Variants in ANKRD44 observed in about 807,000 individuals in gnomAD.
ANKRD44 encodes ankyrin repeat domain 44.
ANKRD44 carries 35 observed loss-of-function variants against 116.0 expected under a neutral mutation model. The ratio of observed to expected loss-of-function variants is 0.30; its 90% confidence interval spans 0.23 to 0.40. The LOEUF is 0.40. ANKRD44 is among the 10% of genes least tolerant of loss of function. The pLI is 1.00. For synonymous variants in ANKRD44, 435 were observed against 461.8 expected (o/e 0.94, Z 0.74); for missense variants, 1,014 against 1,242.6 (o/e 0.82, Z 2.77).
chr2:197,172,265 G>C lies in ANKRD44; in HGVS notation c.111+14758C>G, dbSNP rs533467646. ...GATCCACCCAACTTGGCCTCCCAAA[G>C]TGTTGGGATTACAGGTGTGAGCCAC... On this transcript the variant is annotated intron_variant, in intron 2 of 27. Transcript: ENST00000282272. Among the ~76,000 whole-genome samples the C allele has an allele frequency of 9.7e-4, 147 of 152,074 alleles. 1 individual carries two copies. Among genetic ancestry groups the C allele is most frequent in the African/African-American group, 3.3e-3 (137 of 41,452 alleles).
chr2:197,273,571 C>T (rs1157391653), intron 1 of ANKRD44, among the ~76,000 whole-genome samples: 1 of 152,156 alleles, frequency 6.6e-6, no homozygotes, highest in African/African-American at 2.4e-5. Context: ...CAATAGGCCA[C>T]TGAGAGCCTA....
intron 16 of ANKRD44, among the ~76,000 whole-genome samples, chr2:197,032,120 T>C (rs2076718802): frequency 6.6e-6 from 1 of 152,142 alleles, no homozygotes; most frequent in African/African-American, 2.4e-5. Context: ...TACTATTACA[T>C]TTTTGAGAGT....
intron 21 of ANKRD44, among the ~76,000 whole-genome samples, chr2:196,979,595 C>A (rs192970483): frequency 9.8e-6 from 1 of 102,048 alleles, no homozygotes; most frequent in Non-Finnish European, 1.9e-5. Flanking sequence ...CAGAGTTTGG[C>A]TCTTGTTGCC....
intron 1 of ANKRD44, among the ~76,000 whole-genome samples, chr2:197,190,027 G>T (rs2080785091): frequency 6.6e-6 from 1 of 152,174 alleles, no homozygotes; most frequent in South Asian, 2.1e-4. Flanking sequence ...CCTCAGCAGG[G>T]AGTGGTGCCT....
rs550957485 is a variant in ANKRD44 at position 197,142,401 on chromosome 2, G to C, written c.190+4626C>G. 1.9e-3 allele frequency among the ~76,000 whole-genome samples: 296 copies of C among 152,238 alleles called. 3 individuals carry two copies. The highest frequency in any genetic ancestry group is 2.1e-3 in the Non-Finnish European group (142 of 67,994). ...TTAATTGTTGAAGTAAACATGAAAA[G>C]TCATAAAAATATGATTATAATATAA... On this transcript the variant is annotated intron_variant, in intron 3 of 27. Coordinates refer to ENST00000282272, the MANE Select transcript of ANKRD44 (RefSeq NM_001195144.2).
intron 10 of ANKRD44, among the ~76,000 whole-genome samples, chr2:197,099,014 T>C (rs1377088515): frequency 1.3e-5 from 2 of 152,042 alleles, no homozygotes; most frequent in Non-Finnish European, 2.9e-5. Flanking sequence ...CCTCTTTTGT[T>C]CCCGCTTTCC....
intron 1 of ANKRD44, among the ~76,000 whole-genome samples, chr2:197,211,291 T>C (rs781767039): frequency 8.5e-5 from 13 of 152,068 alleles, no homozygotes; most frequent in Non-Finnish European, 1.6e-4. Flanking sequence ...AACCCAGGGA[T>C]GTTGTGGGGA....
chr2:197,053,620 A>C (rs1165046498), intron 16 of ANKRD44, among the ~76,000 whole-genome samples: 1 of 152,102 alleles, frequency 6.6e-6, no homozygotes, highest in Non-Finnish European at 1.5e-5. Context: ...AGTAGCTGGG[A>C]TTACAGGTGC....
In ANKRD44 at chr2:196,987,025, A is replaced by G; in HGVS notation, c.*2566T>C. 1.0e-6 allele frequency: 1 copy of G among 985,270 alleles called. No homozygotes were observed. The highest frequency in any genetic ancestry group is 4.7e-5 in the South Asian group (1 of 21,294). 61.0% of individuals were successfully genotyped at this position (985,270 alleles called of 1,614,324 possible). A position where few individuals can be genotyped will look rare whatever the true frequency, so the allele number is the denominator to read the frequency against. The stretch of plus-strand genomic sequence containing the variant: ...CGTGCTTTACAAAGATATATTGCAC[A>G]TGCTAGAGCATAAAATATGTAGACA... On this transcript the variant is annotated 3_prime_UTR_variant, in exon 28 of 28. Transcript: ENST00000282272.
At chr2:197,069,155 G>A (rs535892187) in intron 16 of ANKRD44, among the ~76,000 whole-genome samples, 1 of 152,226 alleles carries the variant, frequency 6.6e-6, no homozygotes, top group African/African-American at 2.4e-5. Context: ...GTAGGGACAT[G>A]GATGAAGCTG....
intron 4 of ANKRD44, chr2:197,135,320 C>T (rs2079191019): frequency 6.6e-6 from 1 of 152,144 alleles, no homozygotes; most frequent in Admixed American, 6.5e-5. Context: ...TTGGTAAATT[C>T]AGCTATGGAG....
chr2:197,054,273 A>G (rs2077163680), intron 16 of ANKRD44, among the ~76,000 whole-genome samples: 1 of 152,232 alleles, frequency 6.6e-6, no homozygotes, highest in Non-Finnish European at 1.5e-5. Flanking sequence ...GCTTACCTAA[A>G]TTTATGATCA....
At chr2:197,267,063 G>A (rs1169990611) in intron 1 of ANKRD44, among the ~76,000 whole-genome samples, 2 of 146,368 alleles carry the variant, frequency 1.4e-5, no homozygotes, top group East Asian at 4.0e-4. Flanking sequence ...AATATTAGAT[G>A]AATGAATGAA....
At chr2:197,121,194 T>C in intron 8 of ANKRD44, 138 bp downstream of exon 8, 1 of 835,818 alleles carries the variant, frequency 1.2e-6, no homozygotes, top group South Asian at 1.7e-5. Context: ...CCAGACAACT[T>C]TTCTTATAGC....
intron 1 of ANKRD44, among the ~76,000 whole-genome samples, chr2:197,299,191 T>C (rs899529266): frequency 4.6e-5 from 7 of 152,112 alleles, no homozygotes; most frequent in East Asian, 1.9e-4. Flanking sequence ...CTTTTTTTTT[T>C]CCTCTTACAA....
In ANKRD44 at chr2:197,025,284, C is replaced by G. The variant is rs1363191390; in HGVS notation, c.1651-17G>C. 4 of 1,605,816 alleles carry G rather than the reference C, an allele frequency of 2.5e-6. No homozygotes were observed. The highest frequency in any genetic ancestry group is 3.4e-6 in the Non-Finnish European group (4 of 1,173,650). The stretch of plus-strand genomic sequence containing the variant: ...TTCCAAAAGCTGTGGAGACAAAAAG[C>G]AAACAATAGTACGTGAGTCCAAATT... On this transcript the variant is annotated splice_polypyrimidine_tract_variant and intron_variant, in intron 16 of 27. Transcript: ENST00000282272.
At chr2:197,149,289 A>G (rs75446473) in intron 2 of ANKRD44, among the ~76,000 whole-genome samples, 5,977 of 152,276 alleles carry the variant, frequency 0.039, 149 homozygotes, top group Middle Eastern at 0.075. Flanking sequence ...TCTATTTGAG[A>G]TCTTGGCCTC....
intron 1 of ANKRD44, chr2:197,301,381 T>C (rs1270635594): frequency 6.6e-6 from 1 of 152,186 alleles, no homozygotes; most frequent in Non-Finnish European, 1.5e-5. Context: ...GGGACAATAT[T>C]TCCTGTCCCC....
At chr2:197,122,563 AT>A in intron 7 of ANKRD44, 86 bp downstream of exon 7, 2 of 1,494,238 alleles carry the variant, frequency 1.3e-6, no homozygotes, top group Non-Finnish European at 1.8e-6. Flanking sequence ...CTGCCCTTGA[AT>A]TAAAGTGCAA....
Sources: gnomAD v4.1 joint callset for allele counts (sites outside exome capture counted in the v4.1 genomes callset) on GRCh38, gnomAD v4.1.1 for gene constraint, MANE v1.5 for transcripts, NCBI Gene and HGNC (gene_info 2026-07-23, HGNC 2026-07-21) for gene names.